INVS: variants seen among roughly 807,000 people sequenced by gnomAD.
The protein encoded by INVS is inversion of embryo turning homolog.
Under a neutral mutation model 108.8 loss-of-function variants are expected in INVS, and 86 were observed. The observed-to-expected ratio is 0.79, with a 90% CI of 0.66 to 0.95. The LOEUF is 0.95. INVS is among the 40% of genes least tolerant of loss of function. The probability of loss-of-function intolerance (pLI) is 0.00; values close to 1 mark genes in which losing one functional copy is unlikely to be tolerated. For missense variants in INVS, 1,169 were observed against 1,297.4 expected, an observed-to-expected ratio of 0.90 and a Z score of 1.52; for synonymous variants, 455 against 473.5, an observed-to-expected ratio of 0.96 and a Z score of 0.51.
chr9:100,146,405 C>G (rs931133501), intron 3 of INVS, among the ~76,000 whole-genome samples: 1 of 152,112 alleles, frequency 6.6e-6, no homozygotes, highest in Non-Finnish European at 1.5e-5. Flanking sequence ...CAAGAACAGG[C>G]CATTTTCATT....
intron 10 of INVS, among the ~76,000 whole-genome samples, chr9:100,260,276 A>C (rs1452066692): frequency 9.2e-6 from 1 of 108,744 alleles, no homozygotes; most frequent in South Asian, 2.9e-4. Flanking sequence ...TGCAACCTCC[A>C]CCTCCCAGGT....
intron 5 of INVS, among the ~76,000 whole-genome samples, chr9:100,239,304 AT>A (rs1831790631): frequency 6.6e-6 from 1 of 152,238 alleles, no homozygotes; most frequent in Non-Finnish European, 1.5e-5. Context: ...TAATTGAACT[AT>A]TACCAACATA....
chr9:100,242,579 A>C lies in INVS; in HGVS notation c.806A>C (p.Gln269Pro). The change falls in exon 7 of 17, where the codon CAG becomes CCG. Residue 269 changes from glutamine to proline, a missense_variant. Coordinates refer to ENST00000262457, the MANE Select transcript of INVS (RefSeq NM_014425.5). ...LHWAALLGHA[Q>P]IVHLLLERNK... Reference sequence around the variant, plus strand: ...TTGTGTCTTTTCTCAGGCCATGCACAGATTGTCCATCTCCTTTTAGAAAGA... The same window carrying C: ...TTGTGTCTTTTCTCAGGCCATGCACCGATTGTCCATCTCCTTTTAGAAAGA... 1 of 1,587,832 alleles carries C rather than the reference A, an allele frequency of 6.3e-7. No homozygotes were observed. Among genetic ancestry groups the C allele is most frequent in the Non-Finnish European group, 8.6e-7 (1 of 1,156,158 alleles).
intron 2 of INVS, among the ~76,000 whole-genome samples, chr9:100,118,688 T>C (rs1324373105): frequency 2.0e-5 from 3 of 151,994 alleles, no homozygotes; most frequent in Non-Finnish European, 2.9e-5. Flanking sequence ...TATTATATTA[T>C]TCACTCCTGT....
At chr9:100,112,439 C>T (rs1233785085) in intron 2 of INVS, among the ~76,000 whole-genome samples, 4 of 152,124 alleles carry the variant, frequency 2.6e-5, no homozygotes, top group African/African-American at 9.7e-5. Flanking sequence ...CTTGAAGTTT[C>T]CCTGTATCTT....
chr9:100,213,550 G>A (rs1830898864), intron 3 of INVS, among the ~76,000 whole-genome samples: 1 of 152,004 alleles, frequency 6.6e-6, no homozygotes, highest in South Asian at 2.1e-4. Context: ...TATTTGCGGA[G>A]TTTGAGATGA....
chr9:100,199,618 A>G (rs1830480754), intron 3 of INVS, among the ~76,000 whole-genome samples: 2 of 152,166 alleles, frequency 1.3e-5, no homozygotes, highest in Admixed American at 1.3e-4. Context: ...TGCCTCAGAA[A>G]ACTTAACTAT....
At chr9:100,258,545 A>ATGGTCTT (rs937306982) in intron 10 of INVS, among the ~76,000 whole-genome samples, 8 of 152,018 alleles carry the variant, frequency 5.3e-5, no homozygotes, top group Non-Finnish European at 1.0e-4. Context: ...TTGTGGTTTT[A>ATGGTCTT]TGGTCTTTGG....
chr9:100,238,445 T>A (rs1831759884), intron 5 of INVS, among the ~76,000 whole-genome samples: 1 of 152,204 alleles, frequency 6.6e-6, no homozygotes, highest in Non-Finnish European at 1.5e-5. Context: ...GTGGCCTTTT[T>A]AAAAAATCCT....
chr9:100,164,119 T>G (rs1184488254), intron 3 of INVS, among the ~76,000 whole-genome samples: 1 of 152,210 alleles, frequency 6.6e-6, no homozygotes, highest in African/African-American at 2.4e-5. Context: ...TTTGTTTATT[T>G]TAATTGACAA....
intron 3 of INVS, chr9:100,175,836 A>G: frequency 3.0e-6 from 2 of 664,766 alleles, no homozygotes; most frequent in South Asian, 1.4e-5. Flanking sequence ...TCCTGGAACA[A>G]TCAGGCCTGG....
intron 8 of INVS, among the ~76,000 whole-genome samples, chr9:100,251,320 A>C: frequency 6.6e-6 from 1 of 152,224 alleles, no homozygotes. Flanking sequence ...TGAAAGAGAC[A>C]TTGTTCTAGG....
rs752609119 is a variant in INVS, at chr9:100,292,700, CG to C, written c.2449del (p.Glu817ArgfsTer19). 7 of 1,613,934 alleles carry C rather than the reference CG, an allele frequency of 4.3e-6. No homozygotes were observed. Among genetic ancestry groups the C allele is most frequent in the Admixed American group, 3.3e-5 (2 of 59,986 alleles). On this transcript the variant is annotated frameshift_variant, in exon 14 of 17. Coordinates refer to ENST00000262457, the MANE Select transcript of INVS (RefSeq NM_014425.5). LOFTEE classifies it high-confidence loss of function. Reference sequence around the variant, plus strand: ...TGGTTCTAGCCGCCCTGGCAGTGCCCGGGGGGAGGCGGTCCATGCTGGGCAG... The same window carrying C: ...TGGTTCTAGCCGCCCTGGCAGTGCCCGGGGGAGGCGGTCCATGCTGGGCAG... ...PAGSSRPGSA[R>X]GEAVHAGQNP... is the part of the protein sequence containing the mutation.
chr9:100,256,906 C>G (rs1325313794), intron 10 of INVS, among the ~76,000 whole-genome samples: 3 of 152,154 alleles, frequency 2.0e-5, no homozygotes, highest in African/African-American at 4.8e-5. Context: ...GTGGAGAGTT[C>G]TGTAGATGTC....
chr9:100,190,351 A>C (rs1294457853), intron 3 of INVS, among the ~76,000 whole-genome samples: 1 of 152,182 alleles, frequency 6.6e-6, no homozygotes, highest in African/African-American at 2.4e-5. Context: ...TGGAGGATAT[A>C]GACCATTTAC....
chr9:100,124,858 A>G (rs1384971873), intron 2 of INVS, among the ~76,000 whole-genome samples: 10 of 152,210 alleles, frequency 6.6e-5, no homozygotes, highest in African/African-American at 2.4e-4. Context: ...TCTGGATCCT[A>G]TTTAAATATC....
chr9:100,295,931 G>A (rs1833776452), intron 14 of INVS, among the ~76,000 whole-genome samples: 1 of 152,170 alleles, frequency 6.6e-6, no homozygotes, highest in African/African-American at 2.4e-5. Flanking sequence ...TTGGCTTTTT[G>A]GAAATGTGGT....
At chr9:100,175,246 G>T in intron 3 of INVS, 2 of 619,056 alleles carry the variant, frequency 3.2e-6, no homozygotes, top group Non-Finnish European at 5.9e-6. Flanking sequence ...AAGACTCTTT[G>T]CCAATGTCTG....
intron 5 of INVS, among the ~76,000 whole-genome samples, chr9:100,230,935 T>G (rs1278438513): frequency 1.3e-5 from 2 of 152,268 alleles, no homozygotes; most frequent in Non-Finnish European, 2.9e-5. Flanking sequence ...ACAGATACTT[T>G]GTTTCCAGTT....
Sources: gnomAD v4.1 joint callset for allele counts (sites outside exome capture counted in the v4.1 genomes callset) on GRCh38, gnomAD v4.1.1 for gene constraint, MANE v1.5 for transcripts, NCBI Gene and HGNC (gene_info 2026-07-23, HGNC 2026-07-21) for gene names.